The following XKR4 variants were observed in gnomAD, a reference collection of about 807,000 sequenced individuals.
XKR4 encodes the protein XK-related protein 4.
Under a neutral mutation model 53.9 loss-of-function variants are expected in XKR4, and 12 were observed. The ratio of observed to expected loss-of-function variants is 0.22; its 90% CI spans 0.14 to 0.36. XKR4 has a LOEUF of 0.36. Ranked by LOEUF, XKR4 falls within the 10% of genes least tolerant of loss-of-function variation. The pLI, the probability that XKR4 is intolerant of heterozygous loss-of-function variation, is 1.00. For missense variants in XKR4, 799 were observed against 859.5 expected (o/e 0.93, Z 0.88); for synonymous variants, 354 against 362.4 (o/e 0.98, Z 0.26).
intron 1 of XKR4, among the ~76,000 whole-genome samples, chr8:55,262,165 AAATT>A (rs1818535737): frequency 1.3e-5 from 2 of 152,248 alleles, no homozygotes; most frequent in South Asian, 2.1e-4. Flanking sequence ...GGATATTGAT[AAATT>A]AATTCTTTAA....
intron 2 of XKR4, among the ~76,000 whole-genome samples, chr8:55,461,264 T>C (rs1462770276): frequency 1.3e-5 from 2 of 152,230 alleles, no homozygotes; most frequent in Non-Finnish European, 2.9e-5. Context: ...CAGGTACTCC[T>C]GTGAGACAAA....
intron 2 of XKR4, among the ~76,000 whole-genome samples, chr8:55,477,699 A>G (rs1352816910): frequency 3.1e-5 from 4 of 129,508 alleles, no homozygotes; most frequent in African/African-American, 7.6e-5. Flanking sequence ...ACCAACGCAG[A>G]GAGTCCTTAA....
chr8:55,453,487 G>T, intron 2 of XKR4: 2 of 394,686 alleles, frequency 5.1e-6, no homozygotes, highest in South Asian at 3.9e-5. Flanking sequence ...AGTTGCCCAC[G>T]ACCTCCAGCT....
chr8:55,250,361 C>A (rs1165284107), intron 1 of XKR4, among the ~76,000 whole-genome samples: 2 of 152,170 alleles, frequency 1.3e-5, no homozygotes, highest in Non-Finnish European at 2.9e-5. Context: ...GCCCATAGAT[C>A]CTCAGAAATA....
At chr8:55,377,213 T>G (rs1021233670) in intron 2 of XKR4, among the ~76,000 whole-genome samples, 32 of 152,154 alleles carry the variant, frequency 2.1e-4, no homozygotes, top group Non-Finnish European at 4.7e-4. Context: ...CTCCACCACT[T>G]AGTAACTTTC....
intron 2 of XKR4, among the ~76,000 whole-genome samples, chr8:55,522,633 G>C (rs557054161): frequency 6.6e-6 from 1 of 152,236 alleles, no homozygotes; most frequent in Admixed American, 6.5e-5. Context: ...GGGAGCTTTG[G>C]AGATCACACA....
intron 1 of XKR4, among the ~76,000 whole-genome samples, chr8:55,147,631 C>T (rs1395894071): frequency 6.6e-6 from 1 of 152,158 alleles, no homozygotes; most frequent in Non-Finnish European, 1.5e-5. Flanking sequence ...CTAAATCTGT[C>T]TCTTTGGCTT....
intron 1 of XKR4, among the ~76,000 whole-genome samples, chr8:55,116,002 G>T (rs184026306): frequency 6.6e-6 from 1 of 152,320 alleles, no homozygotes; most frequent in Non-Finnish European, 1.5e-5. Context: ...ATTGGCTTCA[G>T]AGTAACCAGA....
intron 1 of XKR4, among the ~76,000 whole-genome samples, chr8:55,283,950 C>T (rs767353930): frequency 5.7e-4 from 87 of 152,202 alleles, no homozygotes; most frequent in Non-Finnish European, 1.0e-3. Flanking sequence ...GATTCTGTGA[C>T]GTGATCCCTC....
At chr8:55,268,980 A>G (rs1016581062) in intron 1 of XKR4, among the ~76,000 whole-genome samples, 1 of 152,188 alleles carries the variant, frequency 6.6e-6, no homozygotes, top group African/African-American at 2.4e-5. Context: ...CTTAAACAGG[A>G]TTCTGGAAAT....
chr8:55,192,029 T>G (rs1817449874), intron 1 of XKR4, among the ~76,000 whole-genome samples: 1 of 151,720 alleles, frequency 6.6e-6, no homozygotes, highest in Non-Finnish European at 1.5e-5. Flanking sequence ...ACTTTTGTGG[T>G]TCTGCTGCTG....
intron 1 of XKR4, among the ~76,000 whole-genome samples, chr8:55,104,350 A>G (rs7824348): frequency 0.02 from 3,095 of 152,288 alleles, 90 homozygotes; most frequent in African/African-American, 0.069. Context: ...AACTTAGTAA[A>G]CAGGTGGTAT....
chr8:55,535,933 T>C lies in XKR4; in HGVS notation c.*11706T>C, dbSNP rs570910492. On this transcript the variant is annotated 3_prime_UTR_variant, in exon 3 of 3. Coordinates refer to ENST00000327381, the MANE Select transcript of XKR4 (RefSeq NM_052898.2). ...GCTCTGCAGGAGAGCTTCTCGTGGG[T>C]TCTAAGATAAGGTATTCCAAGGTAT... 2 of 152,260 alleles carry C rather than the reference T, an allele frequency of 1.3e-5. No individual in the cohort carries two copies. The highest frequency in any genetic ancestry group is 3.9e-4 in the East Asian group (2 of 5,172). 9.4% of individuals were successfully genotyped at this position (152,260 alleles called of 1,614,324 possible). A position where few individuals can be genotyped will look rare whatever the true frequency, so the allele number is the denominator to read the frequency against.
chr8:55,161,682 T>G (rs573562624), intron 1 of XKR4: 1 of 454,030 alleles, frequency 2.2e-6, no homozygotes, highest in South Asian at 1.6e-5. Context: ...AAGTACCTGG[T>G]ACCTGCCTAC....
At chr8:55,314,867 G>A (rs1819448950) in intron 1 of XKR4, among the ~76,000 whole-genome samples, 1 of 152,124 alleles carries the variant, frequency 6.6e-6, no homozygotes, top group Admixed American at 6.5e-5. Context: ...TTCTGCAGTG[G>A]CAGCTCAGTG....
intron 1 of XKR4, among the ~76,000 whole-genome samples, chr8:55,266,662 G>A (rs1483655561): frequency 6.6e-6 from 1 of 152,174 alleles, no homozygotes; most frequent in African/African-American, 2.4e-5. Context: ...GAGAGGTTTT[G>A]TGATTTTCTG....
chr8:55,451,233 C>G (rs1412109827), intron 2 of XKR4: 1 of 570,304 alleles, frequency 1.8e-6, no homozygotes, highest in Non-Finnish European at 3.1e-6. Context: ...CACATTGGCA[C>G]CAAGCCCACT....
chr8:55,197,545 A>ATTT lies in XKR4; in HGVS notation c.806+94265_806+94267dup, dbSNP rs35974542. On this transcript the variant is annotated intron_variant, in intron 1 of 2. Transcript: ENST00000327381. Reference sequence around the variant, plus strand: ...ACACCAAAGCGCTGGGTTCAGCTAAATTTTTTTTTTTTTTTTGAGACAGAG... The same window carrying ATTT: ...ACACCAAAGCGCTGGGTTCAGCTAAATTTTTTTTTTTTTTTTTTTGAGACAGAG... 3.2e-3 allele frequency among the ~76,000 whole-genome samples: 461 copies of ATTT among 143,740 alleles called. 3 individuals carry two copies. Among genetic ancestry groups the ATTT allele is most frequent in the African/African-American group, 9.2e-3 (361 of 39,068 alleles). 94.3% of individuals were successfully genotyped at this position (143,740 alleles called of 152,430 possible).
chr8:55,348,301 C>T (rs2129383191), intron 1 of XKR4, among the ~76,000 whole-genome samples: 1 of 152,290 alleles, frequency 6.6e-6, no homozygotes, highest in South Asian at 2.1e-4. Context: ...GCGTGCTTGT[C>T]ATGAGTGAGG....
Sources: allele counts gnomAD v4.1 joint callset (sites outside exome capture counted in the v4.1 genomes callset), GRCh38; gene constraint gnomAD v4.1.1; transcripts MANE v1.5; gene names NCBI Gene and HGNC (gene_info 2026-07-23, HGNC 2026-07-21).